GLRA1: variants seen among roughly 807,000 people sequenced by gnomAD.
GLRA1 encodes glycine receptor subunit alpha-1.
GLRA1 carries 37 observed loss-of-function variants against 48.3 expected under a neutral mutation model. That is an observed-to-expected ratio of 0.77 (90% CI 0.59 to 1.01). The LOEUF (loss-of-function observed/expected upper bound fraction) is 1.01, where lower values mean the gene tolerates loss of function less well. Ranked by LOEUF, GLRA1 falls within the 50% of genes least tolerant of loss-of-function variation. The pLI is 0.00. For synonymous variants in GLRA1, 196 were observed against 210.7 expected (o/e 0.93, Z 0.60); for missense variants, 427 against 571.0 (o/e 0.75, Z 2.57).
intron 7 of GLRA1, among the ~76,000 whole-genome samples, chr5:151,837,549 C>G (rs1247166332): frequency 6.6e-6 from 1 of 152,142 alleles, no homozygotes; most frequent in Non-Finnish European, 1.5e-5. Context: ...ATAGCAAAGC[C>G]TTGGAACCAA....
intron 2 of GLRA1, among the ~76,000 whole-genome samples, chr5:151,891,858 G>C (rs1397771669): frequency 6.6e-6 from 1 of 152,130 alleles, no homozygotes; most frequent in Non-Finnish European, 1.5e-5. Flanking sequence ...GGGGGCACCT[G>C]CTGGAAGCCT....
In GLRA1 at chr5:151,916,406, G is replaced by C. The variant is rs1317406148; in HGVS notation, c.56+8088C>G. On this transcript the variant is annotated intron_variant, in intron 1 of 8. Transcript: ENST00000274576. ...CATTCCTCTGGAGCTGGCGAATGTT[G>C]CAGAACTGAGCACACAGCAATAAAC... Among the ~76,000 whole-genome samples, 4 of 152,238 alleles carry C rather than the reference G, an allele frequency of 2.6e-5. 1 individual carries two copies. The highest frequency in any genetic ancestry group is 5.9e-5 in the Non-Finnish European group (4 of 68,044).
At chr5:151,849,376 GTTTCCTTTCCTTTCC>G (rs757139471) in intron 7 of GLRA1, among the ~76,000 whole-genome samples, 3 of 13,186 alleles carry the variant, frequency 2.3e-4, no homozygotes, top group South Asian at 3.9e-3. Context: ...TCTTCCTTTC[GTTTCCTTTCCTTTCC>G]TTTCCTTTCC....
intron 1 of GLRA1, 146 bp from the exon 2 acceptor site, chr5:151,892,584 G>A: frequency 1.2e-6 from 1 of 853,016 alleles, no homozygotes; most frequent in Non-Finnish European, 1.9e-6. Context: ...AATGAGGTAA[G>A]GCCCAGGTTA....
At chr5:151,871,022 G>A (rs978290012) in intron 3 of GLRA1, among the ~76,000 whole-genome samples, 3 of 149,468 alleles carry the variant, frequency 2.0e-5, no homozygotes, top group Non-Finnish European at 4.4e-5. Flanking sequence ...CACGCTCTGG[G>A]CAGTCATAAG....
intron 3 of GLRA1, among the ~76,000 whole-genome samples, chr5:151,863,185 T>C (rs1391632175): frequency 6.6e-6 from 1 of 152,192 alleles, no homozygotes; most frequent in South Asian, 2.1e-4. Flanking sequence ...GGAGGATTTC[T>C]TGAGCCCAGG....
chr5:151,892,025 C>A (rs1023740063), intron 2 of GLRA1, among the ~76,000 whole-genome samples: 1 of 152,172 alleles, frequency 6.6e-6, no homozygotes, highest in African/African-American at 2.4e-5. Flanking sequence ...CATTTCTCCA[C>A]GTTCCATGTT....
intron 3 of GLRA1, among the ~76,000 whole-genome samples, chr5:151,861,087 T>C (rs1753193137): frequency 6.6e-6 from 1 of 152,248 alleles, no homozygotes; most frequent in South Asian, 2.1e-4. Flanking sequence ...TAGTATTCCA[T>C]GGTGTATATG....
At chr5:151,838,914 C>A (rs748274707) in intron 7 of GLRA1, among the ~76,000 whole-genome samples, 62 of 152,198 alleles carry the variant, frequency 4.1e-4, no homozygotes, top group Middle Eastern at 6.8e-3. Context: ...CGCTCTGTTG[C>A]CCAGGCTAGA....
chr5:151,845,825 T>G (rs1341778238), intron 7 of GLRA1, among the ~76,000 whole-genome samples: 1 of 152,226 alleles, frequency 6.6e-6, no homozygotes, highest in East Asian at 1.9e-4. Flanking sequence ...GCCTAACTGC[T>G]GAATGGATAA....
intron 3 of GLRA1, among the ~76,000 whole-genome samples, chr5:151,866,012 C>A (rs527693308): frequency 2.0e-5 from 3 of 152,124 alleles, no homozygotes; most frequent in African/African-American, 7.2e-5. Context: ...GTTCGACATG[C>A]GGGGGGCCAT....
chr5:151,923,728 G>A (rs895996895), intron 1 of GLRA1, among the ~76,000 whole-genome samples: 1 of 152,238 alleles, frequency 6.6e-6, no homozygotes, highest in Admixed American at 6.5e-5. Context: ...TCAAATATAA[G>A]CATAAATTTA....
At chr5:151,855,570 G>A (rs570957834) in intron 5 of GLRA1, among the ~76,000 whole-genome samples, 13 of 152,214 alleles carry the variant, frequency 8.5e-5, no homozygotes, top group African/African-American at 1.4e-4. Context: ...TGGGGTAGAC[G>A]GGGGAAAGTG....
intron 3 of GLRA1, 129 bp from the exon 4 acceptor site, chr5:151,860,137 TG>T: frequency 2.8e-6 from 2 of 719,978 alleles, no homozygotes; most frequent in Non-Finnish European, 2.5e-6. Flanking sequence ...GCATCTTATA[TG>T]GGGGTGAGAC....
At chr5:151,885,883 T>C (rs757386380) in intron 3 of GLRA1, among the ~76,000 whole-genome samples, 3 of 152,188 alleles carry the variant, frequency 2.0e-5, no homozygotes, top group Non-Finnish European at 4.4e-5. Flanking sequence ...AGGGGGCAAG[T>C]TGGAAGCCAA....
intron 3 of GLRA1, among the ~76,000 whole-genome samples, chr5:151,860,869 C>T (rs988698828): frequency 1.3e-5 from 2 of 152,128 alleles, no homozygotes; most frequent in African/African-American, 4.8e-5. Context: ...AGTGCTATCC[C>T]TCCCCTCTCC....
intron 7 of GLRA1, among the ~76,000 whole-genome samples, chr5:151,846,655 G>A (rs1752679210): frequency 1.3e-5 from 2 of 152,160 alleles, no homozygotes; most frequent in Non-Finnish European, 2.9e-5. Context: ...GGAATAGTCA[G>A]TGTCATGAAA....
intron 3 of GLRA1, among the ~76,000 whole-genome samples, chr5:151,885,832 T>C (rs1269349778): frequency 1.3e-5 from 2 of 152,066 alleles, no homozygotes; most frequent in Non-Finnish European, 2.9e-5. Flanking sequence ...GTGGTTAGAT[T>C]TGTGTTTTGG....
chr5:151,856,470 T>G, intron 4 of GLRA1, 87 bp from the exon 5 acceptor site: 1 of 877,670 alleles, frequency 1.1e-6, no homozygotes, highest in Non-Finnish European at 1.9e-6. Flanking sequence ...GAAAATCAGT[T>G]GCCCAGGATA....
Sources: gnomAD v4.1 joint callset for allele counts (sites outside exome capture counted in the v4.1 genomes callset) on GRCh38, gnomAD v4.1.1 for gene constraint, MANE v1.5 for transcripts, NCBI Gene and HGNC (gene_info 2026-07-23, HGNC 2026-07-21) for gene names.